The following SPIDR variants were observed in gnomAD, a reference collection of about 807,000 sequenced individuals.
SPIDR encodes DNA repair-scaffolding protein.
In SPIDR, 93 loss-of-function variants were observed where a neutral mutation model predicts 104.6. The ratio of observed to expected loss-of-function variants is 0.89; its 90% CI spans 0.75 to 1.06. SPIDR has a LOEUF of 1.06. Ranked by LOEUF, SPIDR falls within the 50% of genes least tolerant of loss-of-function variation. The pLI is 0.00. For synonymous variants in SPIDR, 431 were observed against 416.9 expected (o/e 1.03, Z -0.41); for missense variants, 1,154 against 1,111.2 (o/e 1.04, Z -0.55).
intron 5 of SPIDR, among the ~76,000 whole-genome samples, chr8:47,356,782 T>C (rs1189678543): frequency 6.6e-6 from 1 of 152,210 alleles, no homozygotes; most frequent in African/African-American, 2.4e-5. Flanking sequence ...AAGACCAGTA[T>C]GAACATAAAG....
rs942598196 is a variant in SPIDR, at chr8:47,620,877, C to A, written c.1544+21681C>A. Among the ~76,000 whole-genome samples, 6 of 151,558 alleles carry A rather than the reference C, an allele frequency of 4.0e-5. No homozygotes were observed. In the Middle Eastern group the frequency reaches 0.01, roughly 260 times the overall value. ...AGGCGATCCACCCACCTCGGCCTCC[C>A]AAAGTGCTGTGATTACAGGCATTAG... On this transcript the variant is annotated intron_variant, in intron 10 of 19. Coordinates refer to ENST00000297423, the MANE Select transcript of SPIDR (RefSeq NM_001080394.4).
intron 10 of SPIDR, among the ~76,000 whole-genome samples, chr8:47,657,351 G>A (rs145856521): frequency 4.6e-4 from 70 of 152,148 alleles, no homozygotes; most frequent in South Asian, 1.7e-3. Flanking sequence ...TTTTTGAAAT[G>A]GCAAAAATTT....
chr8:47,345,305 T>C (rs201954762), intron 5 of SPIDR, among the ~76,000 whole-genome samples: 2 of 152,160 alleles, frequency 1.3e-5, no homozygotes, highest in Admixed American at 1.3e-4. Context: ...GGGCTCTGTT[T>C]TGTTCCATAG....
intron 8 of SPIDR, among the ~76,000 whole-genome samples, chr8:47,458,584 C>G (rs1184744150): frequency 6.6e-6 from 1 of 151,614 alleles, no homozygotes; most frequent in African/African-American, 2.4e-5. Flanking sequence ...CATCAGCAAA[C>G]AGTGACAGTC....
chr8:47,421,335 C>T lies in SPIDR; in HGVS notation c.877+13374C>T, dbSNP rs1464101327. Among the ~76,000 whole-genome samples the T allele has an allele frequency of 3.9e-5, 6 of 152,138 alleles. No individual in the cohort carries two copies. In the East Asian group the frequency reaches 1.2e-3, roughly 29 times the overall value. ...TTTTAATTCTTTTTTCTCTAAACTT[C>T]TCTTCTCACTTCATTTCATTCATTT... On this transcript the variant is annotated intron_variant, in intron 7 of 19. Coordinates refer to ENST00000297423, the MANE Select transcript of SPIDR (RefSeq NM_001080394.4).
At chr8:47,434,604 GACTT>G (rs1353297619) in intron 7 of SPIDR, among the ~76,000 whole-genome samples, 1 of 152,128 alleles carries the variant, frequency 6.6e-6, no homozygotes, top group African/African-American at 2.4e-5. Flanking sequence ...CTGTTAGAAA[GACTT>G]ACAGATGTTC....
At chr8:47,571,578 T>C (rs1194840693) in intron 8 of SPIDR, among the ~76,000 whole-genome samples, 1 of 152,208 alleles carries the variant, frequency 6.6e-6, no homozygotes, top group Non-Finnish European at 1.5e-5. Flanking sequence ...TTAATTAATA[T>C]ATAAAATACA....
chr8:47,536,272 T>C (rs189532837), intron 8 of SPIDR, among the ~76,000 whole-genome samples: 42 of 152,248 alleles, frequency 2.8e-4, no homozygotes, highest in African/African-American at 8.9e-4. Context: ...ATAAGTTATT[T>C]CATGGTTATC....
intron 6 of SPIDR, among the ~76,000 whole-genome samples, chr8:47,406,433 T>C (rs1374220031): frequency 6.6e-6 from 1 of 152,162 alleles, no homozygotes; most frequent in Admixed American, 6.6e-5. Context: ...ACGAGTTACT[T>C]CATGTAAACA....
At chr8:47,668,031 G>A (rs1049818719) in intron 10 of SPIDR, among the ~76,000 whole-genome samples, 5 of 152,146 alleles carry the variant, frequency 3.3e-5, no homozygotes, top group African/African-American at 1.2e-4. Flanking sequence ...AAATAGTCCA[G>A]TTATCATTAG....
At chr8:47,522,172 C>CA (rs781613495) in intron 8 of SPIDR, among the ~76,000 whole-genome samples, 1,508 of 65,252 alleles carry the variant, frequency 0.023, 13 homozygotes, top group Middle Eastern at 0.067. Flanking sequence ...GAGTCTGTCT[C>CA]AAAAAAAAAA....
chr8:47,367,361 G>A (rs753600569), intron 5 of SPIDR, among the ~76,000 whole-genome samples: 1 of 152,186 alleles, frequency 6.6e-6, no homozygotes, highest in African/African-American at 2.4e-5. Context: ...AGAGCTCCCA[G>A]AGGAGAACTA....
intron 10 of SPIDR, among the ~76,000 whole-genome samples, chr8:47,669,294 A>G (rs912677914): frequency 1.3e-5 from 2 of 152,336 alleles, no homozygotes; most frequent in Non-Finnish European, 2.9e-5. Flanking sequence ...GGCAGAAAGC[A>G]TTGACAAGTG....
chr8:47,295,882 C>T (rs910864076), intron 5 of SPIDR, among the ~76,000 whole-genome samples: 48 of 152,208 alleles, frequency 3.2e-4, no homozygotes, highest in African/African-American at 1.1e-3. Context: ...TCCATAATAG[C>T]TGTGATAATT....
chr8:47,674,171 AAAG>A (rs2076138561), intron 11 of SPIDR, among the ~76,000 whole-genome samples: 1 of 152,230 alleles, frequency 6.6e-6, no homozygotes. Flanking sequence ...AATTTTATTA[AAAG>A]AAGATTAAAA....
chr8:47,593,487 A>T (rs776931595), intron 8 of SPIDR, among the ~76,000 whole-genome samples: 100 of 152,120 alleles, frequency 6.6e-4, no homozygotes, highest in Non-Finnish European at 1.1e-3. Context: ...CCTTTATGTT[A>T]TCTCAGTATT....
chr8:47,650,595 A>G lies in SPIDR; in HGVS notation c.1545-23206A>G, dbSNP rs192303820. On this transcript the variant is annotated intron_variant, in intron 10 of 19. Transcript: ENST00000297423. ...TACCAACATCATTTTTCACAGAATTAGAAAAAACAGTCCTAAAATTCATAG... is the reference window on the plus strand; with the variant it reads ...TACCAACATCATTTTTCACAGAATTGGAAAAAACAGTCCTAAAATTCATAG... Among the ~76,000 whole-genome samples, 982 of 152,308 alleles carry G rather than the reference A, an allele frequency of 6.4e-3. 5 individuals are homozygous for G. The highest frequency in any genetic ancestry group is 0.01 in the Non-Finnish European group (682 of 68,024).
chr8:47,720,140 C>T (rs999781128), intron 16 of SPIDR, among the ~76,000 whole-genome samples: 1 of 152,164 alleles, frequency 6.6e-6, no homozygotes, highest in Non-Finnish European at 1.5e-5. Context: ...AGCTTATTTC[C>T]GTTAGCAATA....
chr8:47,349,060 G>C (rs1379622966), intron 5 of SPIDR, among the ~76,000 whole-genome samples: 6 of 152,304 alleles, frequency 3.9e-5, no homozygotes, highest in East Asian at 1.9e-4. Flanking sequence ...CAGCTTTTCT[G>C]CTCTGGTTTC....
Sources: allele counts gnomAD v4.1 joint callset (sites outside exome capture counted in the v4.1 genomes callset), GRCh38; gene constraint gnomAD v4.1.1; transcripts MANE v1.5; gene names NCBI Gene and HGNC (gene_info 2026-07-23, HGNC 2026-07-21).